Variants in SMC5 observed in about 807,000 individuals in gnomAD.
The protein encoded by SMC5 is structural maintenance of chromosomes 5.
Under a neutral mutation model 148.3 loss-of-function variants are expected in SMC5, and 88 were observed. The ratio of observed to expected loss-of-function variants is 0.59; its 90% CI spans 0.50 to 0.71. The LOEUF (loss-of-function observed/expected upper bound fraction) is 0.71, where lower values mean the gene tolerates loss of function less well. SMC5 is among the 30% of genes least tolerant of loss of function. The pLI is 0.00. For synonymous variants in SMC5, 421 were observed against 432.8 expected, an observed-to-expected ratio of 0.97 and a Z score of 0.34; for missense variants, 1,142 against 1,298.9, an observed-to-expected ratio of 0.88 and a Z score of 1.86.
chr9:70,263,149 T>C (rs1357673760), intron 1 of SMC5, among the ~76,000 whole-genome samples: 1 of 152,220 alleles, frequency 6.6e-6, no homozygotes, highest in Non-Finnish European at 1.5e-5. Flanking sequence ...CTTCATGTGT[T>C]GAGCGTAAGA....
intron 17 of SMC5, among the ~76,000 whole-genome samples, chr9:70,332,287 G>A (rs545516911): frequency 3.9e-5 from 6 of 152,030 alleles, no homozygotes; most frequent in Non-Finnish European, 7.4e-5. Flanking sequence ...TTGGGAGGCC[G>A]AGGCAGGTGG....
chr9:70,343,879 C>CT (rs1171735248), intron 17 of SMC5, among the ~76,000 whole-genome samples: 1 of 151,850 alleles, frequency 6.6e-6, no homozygotes, highest in Non-Finnish European at 1.5e-5. Context: ...CTAAGCTAGA[C>CT]TTTCAGGAAA....
In SMC5 at chr9:70,267,650, G is replaced by C. The variant is rs144385859; in HGVS notation, c.328-273G>C. Among the ~76,000 whole-genome samples the C allele has an allele frequency of 2.6e-5, 4 of 152,234 alleles. No homozygotes were observed. In the East Asian group the frequency reaches 7.7e-4, roughly 29 times the overall value. On this transcript the variant is annotated intron_variant, in intron 2 of 24. Coordinates refer to ENST00000361138, the MANE Select transcript of SMC5 (RefSeq NM_015110.4). ...TTCCTGGGTTCAGATCGTTTTTCTGGCACTTACTGGCTTTGTCACGAGGTT... is the reference window on the plus strand; with the variant it reads ...TTCCTGGGTTCAGATCGTTTTTCTGCCACTTACTGGCTTTGTCACGAGGTT...
Position 70,277,366 on chromosome 9 carries a change from A to G in SMC5, c.437A>G (p.Gln146Arg). 1.2e-6 allele frequency: 2 copies of G among 1,603,296 alleles called. No individual in the cohort carries two copies. Among genetic ancestry groups the G allele is most frequent in the Non-Finnish European group, 1.7e-6 (2 of 1,174,742 alleles). The change falls in exon 4 of 25, where the codon CAG (glutamine) becomes CGG (arginine). Residue 146 changes from glutamine (Q) to arginine (R), a missense_variant. By Grantham distance (43) the Gln-to-Arg change is conservative. This residue lies in a region of SMC5 where 297 missense variants were observed against 302.6 expected (regional missense o/e 0.98). Transcript: ENST00000361138. The part of the protein sequence containing the change: ...ITREIDVAKN[Q>R]SFWFINKKST... Reference sequence around the variant, plus strand: ...CGTGAGATTGATGTGGCAAAAAATCAGTCCTTTTGGTTCATCAACAAAAAA... The same window carrying G: ...CGTGAGATTGATGTGGCAAAAAATCGGTCCTTTTGGTTCATCAACAAAAAA...
At chr9:70,320,229 G>C (rs2035908989) in intron 15 of SMC5, among the ~76,000 whole-genome samples, 1 of 152,124 alleles carries the variant, frequency 6.6e-6, no homozygotes, top group Non-Finnish European at 1.5e-5. Context: ...ATATTCGTGG[G>C]TTGCACATCC....
intron 8 of SMC5, among the ~76,000 whole-genome samples, chr9:70,291,128 C>A (rs1018610296): frequency 1.8e-4 from 28 of 151,862 alleles, no homozygotes; most frequent in Non-Finnish European, 3.4e-4. Flanking sequence ...AGTGACTTTC[C>A]TAGTTCTGTA....
chr9:70,264,154 TA>T, intron 1 of SMC5, 149 bp from the exon 2 acceptor site: 1 of 569,156 alleles, frequency 1.8e-6, no homozygotes, highest in Non-Finnish European at 2.8e-6. Flanking sequence ...GTATTCTTTC[TA>T]AAGTTGTTTA....
At chr9:70,316,393 T>C (rs2035802006) in intron 13 of SMC5, among the ~76,000 whole-genome samples, 1 of 152,068 alleles carries the variant, frequency 6.6e-6, no homozygotes, top group South Asian at 2.1e-4. Flanking sequence ...CTATACTTCA[T>C]TAACAGAAGA....
At chr9:70,309,873 AG>A (rs759710495) in intron 11 of SMC5, among the ~76,000 whole-genome samples, 20 of 152,166 alleles carry the variant, frequency 1.3e-4, no homozygotes, top group Non-Finnish European at 2.4e-4. Context: ...AGGGGGAGAC[AG>A]GGTCTTGCTC....
rs537428549 is a variant in SMC5 at position 70,348,103 on chromosome 9, A to G, written c.2889+65A>G. The G allele has an allele frequency of 7.8e-6, 10 of 1,277,976 alleles. No individual in the cohort carries two copies. In the South Asian group the frequency reaches 1.5e-4, roughly 19 times the overall value. 79.2% of individuals were successfully genotyped at this position (1,277,976 alleles called of 1,614,324 possible). On this transcript the variant is annotated intron_variant, in intron 22 of 24. Coordinates refer to ENST00000361138, the MANE Select transcript of SMC5 (RefSeq NM_015110.4). ...AATTTTAATTATATGCTTAAAGTACATATAAATTATTTATTTACTTTTGAG... is the reference window on the plus strand; with the variant it reads ...AATTTTAATTATATGCTTAAAGTACGTATAAATTATTTATTTACTTTTGAG...
intron 21 of SMC5, 21 bp downstream of exon 21, chr9:70,347,738 CT>C: frequency 1.4e-6 from 2 of 1,416,132 alleles, no homozygotes; most frequent in South Asian, 2.6e-5. Context: ...AGTTTTTAAT[CT>C]TTTTATCATG....
At chr9:70,301,007 A>G (rs553167807) in intron 10 of SMC5, among the ~76,000 whole-genome samples, 5 of 152,198 alleles carry the variant, frequency 3.3e-5, no homozygotes, top group African/African-American at 1.2e-4. Context: ...AAATCATTTT[A>G]TATAGTTTTC....
At chr9:70,344,378 A>T (rs1025146220) in intron 18 of SMC5, 109 bp downstream of exon 18, 1 of 757,930 alleles carries the variant, frequency 1.3e-6, no homozygotes, top group Admixed American at 4.5e-5. Context: ...GTCGTAAAAA[A>T]TAGGGAGTTT....
intron 13 of SMC5, among the ~76,000 whole-genome samples, chr9:70,315,960 T>G (rs1470173067): frequency 6.6e-6 from 1 of 152,094 alleles, no homozygotes; most frequent in Non-Finnish European, 1.5e-5. Context: ...TAAGACAAAT[T>G]ATACTTTAGA....
At chr9:70,344,442 AGATC>A (rs1275162593) in intron 18 of SMC5, 173 bp downstream of exon 18, 4 of 277,778 alleles carry the variant, frequency 1.4e-5, no homozygotes, top group Non-Finnish European at 2.6e-5. Context: ...GTTGCTTAAG[AGATC>A]AATGGTATTG....
intron 17 of SMC5, among the ~76,000 whole-genome samples, chr9:70,338,008 T>C (rs2036409538): frequency 6.6e-6 from 1 of 152,090 alleles, no homozygotes; most frequent in African/African-American, 2.4e-5. Context: ...TCTCAACACA[T>C]TTGCTGTTTT....
At chr9:70,322,269 CTGCAAAACGCTCAACCTTTATTGCGCAAT>C (rs1328392872) in intron 15 of SMC5, among the ~76,000 whole-genome samples, 3 of 152,190 alleles carry the variant, frequency 2.0e-5, no homozygotes, top group Non-Finnish European at 4.4e-5. Flanking sequence ...ATTCAATCTT[CTGCAAAACGCTCAACCTTTATTGCGCAAT>C]TGCTGTATTG....
rs761032296 is a variant in SMC5, at chr9:70,315,429, A to G, written c.1674-17A>G. ...ATATTTTAAGAAGAAAAATCTAATC[A>G]ATACTTTTCCTTTCAGACAATACGG... is the stretch of plus-strand genomic sequence containing the variant. On this transcript the variant is annotated splice_polypyrimidine_tract_variant and intron_variant, in intron 12 of 24. Coordinates refer to ENST00000361138, the MANE Select transcript of SMC5 (RefSeq NM_015110.4). 1.1e-5 allele frequency: 17 copies of G among 1,522,750 alleles called. No individual in the cohort carries two copies. The Admixed American group carries it at 3.3e-4, about 30-fold the overall frequency. The allele number at this position is 1,522,750 out of a possible 1,614,324, so 94.3% of individuals were successfully genotyped here. A position where few individuals can be genotyped will look rare whatever the true frequency, so the allele number is the denominator to read the frequency against.
Position 70,324,133 on chromosome 9 carries a change from G to A in SMC5, c.2387G>A (p.Arg796His), listed in dbSNP as rs183526530. Residue 796 changes from arginine to histidine, a missense_variant, in exon 17 of 25, where the codon CGT becomes CAT. Around this residue, in one of 5 missense-constraint regions of SMC5, gnomAD observed 743 missense variants for 835.7 expected, o/e 0.89. Transcript: ENST00000361138. Reference sequence around the variant, plus strand: ...TATATGGCCGCATCTTCACAACTCCGTCTTACAGAGGTAAAATTTTTGCCT... The same window carrying A: ...TATATGGCCGCATCTTCACAACTCCATCTTACAGAGGTAAAATTTTTGCCT... Reference protein sequence around the residue: ...SDYMAASSQLRLTEQHFIELD... With the variant: ...SDYMAASSQLHLTEQHFIELD... The A allele has an allele frequency of 4.7e-5, 75 of 1,586,062 alleles. No homozygotes were observed. Among genetic ancestry groups the A allele is most frequent in the African/African-American group, 1.4e-4 (10 of 73,204 alleles).
Sources: gnomAD v4.1 joint callset for allele counts (sites outside exome capture counted in the v4.1 genomes callset) on GRCh38, gnomAD v4.1.1 for gene constraint, gnomAD v4.1.1 regional missense constraint, MANE v1.5 for transcripts, NCBI Gene and HGNC (gene_info 2026-07-23, HGNC 2026-07-21) for gene names.